TTC28: variants seen among roughly 807,000 people sequenced by gnomAD.
TTC28 encodes the protein tetratricopeptide repeat domain 28, also known as tetratricopeptide repeat protein 28.
TTC28 carries 61 observed loss-of-function variants against 198.0 expected under a neutral mutation model. The observed-to-expected ratio is 0.31, with a 90% confidence interval of 0.25 to 0.38. TTC28 has a LOEUF of 0.38. Ranked by LOEUF, TTC28 falls within the 10% of genes least tolerant of loss-of-function variation. The pLI, the probability that TTC28 is intolerant of heterozygous loss-of-function variation, is 1.00. For missense variants in TTC28, 2,678 were observed against 3,164.0 expected (o/e 0.85, Z 3.69); for synonymous variants, 1,171 against 1,297.8 (o/e 0.90, Z 2.10).
At chr22:28,342,997 G>C (rs969427945) in intron 2 of TTC28, among the ~76,000 whole-genome samples, 1 of 152,018 alleles carries the variant, frequency 6.6e-6, no homozygotes, top group South Asian at 2.1e-4. Flanking sequence ...ACAAAATAAA[G>C]TGAAAATAAA....
intron 12 of TTC28, among the ~76,000 whole-genome samples, chr22:28,070,812 A>G (rs1483153569): frequency 6.6e-6 from 1 of 152,252 alleles, no homozygotes; most frequent in East Asian, 1.9e-4. Flanking sequence ...TATGTGACAC[A>G]GTTTCAACGT....
In TTC28 at chr22:28,108,034, T is replaced by C; in HGVS notation, c.1811A>G (p.His604Arg). ...ARALSNLGNF[H>R]CSRGEYVQAA... ...CTGGACATACTCTCCCCGAGAGCAG[T>C]GGAAATTGCCCAGGTTGCTGAGGGC... Residue 604 changes from histidine (H) to arginine (R), a missense_variant, in exon 7 of 23, where the codon CAC becomes CGC. Transcript: ENST00000397906. 2 of 1,551,254 alleles carry C rather than the reference T, an allele frequency of 1.3e-6. No individual in the cohort carries two copies. Among genetic ancestry groups the C allele is most frequent in the Non-Finnish European group, 8.7e-7 (1 of 1,146,874 alleles).
intron 5 of TTC28, among the ~76,000 whole-genome samples, chr22:28,293,014 T>A (rs2044816655): frequency 6.6e-6 from 1 of 152,188 alleles, no homozygotes; most frequent in Non-Finnish European, 1.5e-5. Flanking sequence ...TTTTGTACAT[T>A]CCCGTAAGTT....
intron 1 of TTC28, among the ~76,000 whole-genome samples, chr22:28,675,789 C>A (rs1023717064): frequency 2.7e-5 from 4 of 149,436 alleles, no homozygotes; most frequent in African/African-American, 7.4e-5. Flanking sequence ...TAAAAAGAGG[C>A]ATGAGCCTCT....
intron 2 of TTC28, among the ~76,000 whole-genome samples, chr22:28,421,965 A>T (rs907479849): frequency 2.0e-5 from 3 of 151,796 alleles, no homozygotes; most frequent in Non-Finnish European, 4.4e-5. Context: ...GTTATGATAA[A>T]TACCTAGTCA....
At chr22:28,109,446 G>C (rs888798529) in intron 6 of TTC28, among the ~76,000 whole-genome samples, 3 of 152,170 alleles carry the variant, frequency 2.0e-5, no homozygotes, top group African/African-American at 7.2e-5. Flanking sequence ...AAAAATAGTT[G>C]CCTTGTTAGG....
intron 2 of TTC28, among the ~76,000 whole-genome samples, chr22:28,417,621 G>C (rs1207400122): frequency 6.6e-6 from 1 of 152,212 alleles, no homozygotes; most frequent in Non-Finnish European, 1.5e-5. Context: ...CACTGTGGTA[G>C]ACATGTTCAC....
chr22:27,993,360 C>G lies in TTC28; in HGVS notation c.5403G>C (p.Ala1801=). The part of the protein sequence containing the change: ...RLDPPTSGLP[A]AVFFPTSDPG... ...GGTCGGAGGTTGGGAAGAAGACAGC[C>G]GCTGGCAGGCCACTGGTTGGGGGGT... The change falls in exon 18 of 23, where the codon GCG becomes GCC. Residue 1801 remains alanine (A), a synonymous_variant. Transcript: ENST00000397906. 6.4e-7 allele frequency: 1 copy of G among 1,550,852 alleles called. No homozygotes were observed. Among genetic ancestry groups the G allele is most frequent in the Non-Finnish European group, 8.7e-7 (1 of 1,146,954 alleles).
intron 5 of TTC28, among the ~76,000 whole-genome samples, chr22:28,290,107 A>C (rs1340462801): frequency 1.3e-5 from 2 of 152,150 alleles, no homozygotes; most frequent in African/African-American, 4.8e-5. Context: ...CTATCTAGCT[A>C]CTTTGGAAAA....
At chr22:28,143,969 T>C (rs1943401546) in intron 6 of TTC28, among the ~76,000 whole-genome samples, 1 of 152,158 alleles carries the variant, frequency 6.6e-6, no homozygotes, top group South Asian at 2.1e-4. Flanking sequence ...CTCGACATTA[T>C]TCAGAGAAGG....
rs145471618 is a variant in TTC28 at position 28,276,437 on chromosome 22, T to G, written c.933+19761A>C. Among the ~76,000 whole-genome samples, 6 of 152,312 alleles carry G rather than the reference T, an allele frequency of 3.9e-5. No homozygotes were observed. The East Asian group carries it at 5.8e-4, about 15-fold the overall frequency. Reference sequence around the variant, plus strand: ...AAATAAGTACCTGACTGATGTGGATTCAGGAGAAAGATGGATCTGAATTAG... The same window carrying G: ...AAATAAGTACCTGACTGATGTGGATGCAGGAGAAAGATGGATCTGAATTAG... On this transcript the variant is annotated intron_variant, in intron 5 of 22. Coordinates refer to ENST00000397906, the MANE Select transcript of TTC28 (RefSeq NM_001145418.2).
chr22:28,105,406 T>C lies in TTC28; in HGVS notation c.3180A>G (p.Gln1060=), dbSNP rs964009084. The part of the protein sequence containing the change: ...LGTFERAVVY[Q]EQHLSIAAQM... ...GTGCAGCAATGCTCAAGTGCTGTTC[T>C]TGATAGACCACAGCCCTCTCGAAGG... is the stretch of plus-strand genomic sequence containing the variant. The change falls in exon 8 of 23, where the codon CAA becomes CAG. Residue 1060 remains glutamine, a synonymous_variant. Coordinates refer to ENST00000397906, the MANE Select transcript of TTC28 (RefSeq NM_001145418.2). 1.1e-5 allele frequency: 17 copies of C among 1,551,650 alleles called. No individual in the cohort carries two copies. The highest frequency in any genetic ancestry group is 9.8e-5 in the Admixed American group (5 of 50,986).
intron 2 of TTC28, among the ~76,000 whole-genome samples, chr22:28,341,698 G>A (rs1601658902): frequency 1.3e-5 from 2 of 152,238 alleles, no homozygotes; most frequent in East Asian, 1.9e-4. Flanking sequence ...GTTGAGGCAG[G>A]AGAATTGCTT....
intron 2 of TTC28, among the ~76,000 whole-genome samples, chr22:28,409,855 A>T (rs1260895514): frequency 1.3e-5 from 2 of 151,140 alleles, no homozygotes; most frequent in African/African-American, 4.9e-5. Flanking sequence ...ATGGGGCTTC[A>T]CCATGTTGGC....
intron 12 of TTC28, among the ~76,000 whole-genome samples, chr22:28,050,776 G>A (rs977799710): frequency 1.3e-5 from 2 of 152,210 alleles, no homozygotes; most frequent in South Asian, 2.1e-4. Context: ...ATACTGTGCC[G>A]CTTCTAATGG....
intron 6 of TTC28, among the ~76,000 whole-genome samples, chr22:28,151,628 T>G (rs1943611330): frequency 6.6e-6 from 1 of 152,208 alleles, no homozygotes; most frequent in Non-Finnish European, 1.5e-5. Flanking sequence ...CAGCACAGGA[T>G]GCGCATGTCA....
intron 2 of TTC28, among the ~76,000 whole-genome samples, chr22:28,465,460 C>T (rs1320457162): frequency 1.3e-5 from 2 of 151,916 alleles, no homozygotes; most frequent in Non-Finnish European, 2.9e-5. Context: ...CCCGTTTCTA[C>T]TAAAAATACA....
chr22:28,429,430 C>T (rs1014581442), intron 2 of TTC28, among the ~76,000 whole-genome samples: 1 of 152,094 alleles, frequency 6.6e-6, no homozygotes, highest in Non-Finnish European at 1.5e-5. Context: ...ATACTTGCCT[C>T]GATTTACTGT....
chr22:28,001,202 C>G, intron 15 of TTC28, 172 bp downstream of exon 15: 1 of 829,950 alleles, frequency 1.2e-6, no homozygotes, highest in Non-Finnish European at 1.8e-6. Flanking sequence ...CCGTGCCCCA[C>G]TTTTGGACAG....
Sources: gnomAD v4.1 joint callset for allele counts (sites outside exome capture counted in the v4.1 genomes callset) on GRCh38, gnomAD v4.1.1 for gene constraint, MANE v1.5 for transcripts, NCBI Gene and HGNC (gene_info 2026-07-23, HGNC 2026-07-21) for gene names.